PTPRT: variants seen among roughly 807,000 people sequenced by gnomAD.
PTPRT encodes receptor-type tyrosine-protein phosphatase T.
PTPRT carries 56 observed loss-of-function variants against 176.8 expected under a neutral mutation model. The observed-to-expected ratio is 0.32, with a 90% CI of 0.26 to 0.40. The LOEUF is 0.40. Among genes scored for constraint, PTPRT ranks in the 10% least tolerant of loss-of-function variants. The pLI is 1.00. For missense variants in PTPRT, 1,540 were observed against 1,908.2 expected, an observed-to-expected ratio of 0.81 and a Z score of 3.60; for synonymous variants, 783 against 739.0, an observed-to-expected ratio of 1.06 and a Z score of -0.96.
chr20:42,778,695 CA>C (rs2077172208), intron 4 of PTPRT, among the ~76,000 whole-genome samples: 1 of 152,182 alleles, frequency 6.6e-6, no homozygotes, highest in Admixed American at 6.5e-5. Context: ...GGCTCATTCT[CA>C]AATGAGCAGC....
intron 10 of PTPRT, among the ~76,000 whole-genome samples, chr20:42,351,162 T>C (rs543153553): frequency 1.3e-5 from 2 of 151,976 alleles, no homozygotes; most frequent in South Asian, 2.1e-4. Context: ...ACTCAGCTGA[T>C]AGGAATGCGA....
At chr20:42,262,680 G>A (rs1347368950) in intron 13 of PTPRT, among the ~76,000 whole-genome samples, 1 of 152,170 alleles carries the variant, frequency 6.6e-6, no homozygotes, top group African/African-American at 2.4e-5. Context: ...CTCCATCAAT[G>A]TCAGTCATCT....
chr20:42,368,951 A>G (rs1340572266), intron 9 of PTPRT, among the ~76,000 whole-genome samples: 1 of 151,948 alleles, frequency 6.6e-6, no homozygotes, highest in African/African-American at 2.4e-5. Flanking sequence ...TGAGGGGTGG[A>G]GGAGTCCTGA....
At chr20:43,019,914 T>C (rs1485162195) in intron 1 of PTPRT, among the ~76,000 whole-genome samples, 1 of 151,888 alleles carries the variant, frequency 6.6e-6, no homozygotes, top group Non-Finnish European at 1.5e-5. Context: ...CTCTCAAAAC[T>C]TTGGTCTCAG....
intron 16 of PTPRT, among the ~76,000 whole-genome samples, chr20:42,183,179 C>T (rs1182319440): frequency 2.6e-5 from 4 of 152,094 alleles, no homozygotes; most frequent in South Asian, 4.2e-4. Flanking sequence ...GTATTCGAGA[C>T]CCCAGTTCCT....
chr20:42,123,505 C>T (rs1314763659), intron 19 of PTPRT, among the ~76,000 whole-genome samples: 1 of 152,204 alleles, frequency 6.6e-6, no homozygotes, highest in Non-Finnish European at 1.5e-5. Flanking sequence ...GGGAATTGAA[C>T]AGCCAAGGAG....
intron 21 of PTPRT, 47 bp from the exon 22 acceptor site, chr20:42,115,362 A>G (rs2146312999): frequency 7.2e-7 from 1 of 1,390,732 alleles, no homozygotes; most frequent in Non-Finnish European, 1.0e-6. Flanking sequence ...AGAGACAAGG[A>G]TGCATAAGCA....
At chr20:42,944,445 C>G (rs1980755234) in intron 1 of PTPRT, among the ~76,000 whole-genome samples, 1 of 152,188 alleles carries the variant, frequency 6.6e-6, no homozygotes, top group Non-Finnish European at 1.5e-5. Flanking sequence ...TCCCTTTAAT[C>G]CTGGAATAAA....
Position 42,379,966 on chromosome 20 carries a change from T to C in PTPRT, c.1561-27681A>G, listed in dbSNP as rs937328163. 2.5e-4 allele frequency among the ~76,000 whole-genome samples: 38 copies of C among 152,130 alleles called. 1 individual carries two copies. Among genetic ancestry groups the C allele is most frequent in the Non-Finnish European group, 5.3e-4 (36 of 68,026 alleles). On this transcript the variant is annotated intron_variant, in intron 9 of 30. Coordinates refer to ENST00000373187, the MANE Select transcript of PTPRT (RefSeq NM_007050.6). ...ACGTGAAGGATATGAAGTCTGGCCA[T>C]CCATAGCAAGCCCACAAAAATCAAG...
intron 7 of PTPRT, among the ~76,000 whole-genome samples, chr20:42,495,128 GATC>G (rs1294206435): frequency 6.6e-5 from 10 of 152,124 alleles, no homozygotes; most frequent in Non-Finnish European, 7.4e-5. Context: ...AGAACTTAAA[GATC>G]ATCAGGCCTA....
At chr20:42,789,809 T>C (rs2077346836) in intron 3 of PTPRT, among the ~76,000 whole-genome samples, 1 of 152,238 alleles carries the variant, frequency 6.6e-6, no homozygotes, top group Non-Finnish European at 1.5e-5. Context: ...GATTTCTCGT[T>C]ACCAAGGCAA....
intron 7 of PTPRT, among the ~76,000 whole-genome samples, chr20:42,475,201 C>A (rs79337916): frequency 0.012 from 1,882 of 152,230 alleles, 23 homozygotes; most frequent in East Asian, 0.08. Flanking sequence ...TGGCCCACCC[C>A]ACATTACAGA....
intron 1 of PTPRT, among the ~76,000 whole-genome samples, chr20:43,070,882 G>T (rs555780957): frequency 2.0e-5 from 3 of 151,666 alleles, no homozygotes; most frequent in Non-Finnish European, 4.4e-5. Flanking sequence ...ACGAGTTAAT[G>T]GGTGCAGCAC....
At chr20:43,182,332 T>C (rs1165026732) in intron 1 of PTPRT, among the ~76,000 whole-genome samples, 1 of 151,556 alleles carries the variant, frequency 6.6e-6, no homozygotes, top group African/African-American at 2.4e-5. Context: ...ACTGCATTCT[T>C]CCACAGAAAA....
chr20:42,734,253 G>A (rs1338063208), intron 6 of PTPRT, among the ~76,000 whole-genome samples: 2 of 152,170 alleles, frequency 1.3e-5, no homozygotes, highest in Non-Finnish European at 2.9e-5. Context: ...GTTCTGGGGA[G>A]TGACATTGAC....
At chr20:42,824,097 T>C (rs76579426) in intron 2 of PTPRT, among the ~76,000 whole-genome samples, 2,442 of 152,080 alleles carry the variant, frequency 0.016, 73 homozygotes, top group African/African-American at 0.056. Context: ...CCCACAAAAC[T>C]TTACTGAGGG....
intron 9 of PTPRT, among the ~76,000 whole-genome samples, chr20:42,414,717 T>C (rs1356060543): frequency 6.6e-6 from 1 of 152,210 alleles, no homozygotes; most frequent in Non-Finnish European, 1.5e-5. Context: ...CTGAAGTACC[T>C]ATGTGAATAA....
At chr20:42,824,080 GA>G (rs1414281324) in intron 2 of PTPRT, among the ~76,000 whole-genome samples, 5 of 152,002 alleles carry the variant, frequency 3.3e-5, no homozygotes, top group Admixed American at 1.3e-4. Flanking sequence ...AGGTCCAGAT[GA>G]AGAAACCCAC....
At chr20:42,123,706 C>T (rs985081354) in intron 19 of PTPRT, among the ~76,000 whole-genome samples, 6 of 152,188 alleles carry the variant, frequency 3.9e-5, no homozygotes, top group African/African-American at 1.4e-4. Flanking sequence ...TTAGCACTGG[C>T]CATTCCCCGT....
Sources: allele counts gnomAD v4.1 joint callset (sites outside exome capture counted in the v4.1 genomes callset), GRCh38; gene constraint gnomAD v4.1.1; transcripts MANE v1.5; gene names NCBI Gene and HGNC (gene_info 2026-07-23, HGNC 2026-07-21).